Variants in ERBB4 observed in about 807,000 individuals in gnomAD.
The protein encoded by ERBB4 is erb-b2 receptor tyrosine kinase 4, also known as receptor tyrosine-protein kinase erbB-4.
In ERBB4, 42 loss-of-function variants were observed where a neutral mutation model predicts 158.0. The observed-to-expected ratio is 0.27, with a 90% CI of 0.21 to 0.34. The LOEUF (loss-of-function observed/expected upper bound fraction) is 0.34. Among genes scored for constraint, ERBB4 ranks in the 10% least tolerant of loss-of-function variants. The pLI is 1.00. For synonymous variants in ERBB4, 583 were observed against 558.7 expected, an observed-to-expected ratio of 1.04 and a Z score of -0.61; for missense variants, 1,333 against 1,624.1, an observed-to-expected ratio of 0.82 and a Z score of 3.08.
chr2:211,981,350 C>T (rs565525351), intron 2 of ERBB4, among the ~76,000 whole-genome samples: 2 of 152,146 alleles, frequency 1.3e-5, no homozygotes, highest in Non-Finnish European at 2.9e-5. Flanking sequence ...AAATTCTAAC[C>T]GATGACCTTG....
At chr2:212,064,438 A>G (rs2077878195) in intron 2 of ERBB4, among the ~76,000 whole-genome samples, 1 of 152,130 alleles carries the variant, frequency 6.6e-6, no homozygotes, top group Non-Finnish European at 1.5e-5. Context: ...GGCTGCTTGA[A>G]GGATGGAAAA....
chr2:211,856,398 T>TTATTTATTTATTTATC (rs1553646934), intron 3 of ERBB4, among the ~76,000 whole-genome samples: 2,240 of 145,120 alleles, frequency 0.015, 37 homozygotes, highest in East Asian at 0.049. Flanking sequence ...ATTTATTTAT[T>TTATTTATTTATTTATC]TATCTGAGAT....
intron 20 of ERBB4, among the ~76,000 whole-genome samples, chr2:211,489,939 A>G (rs1293863646): frequency 6.6e-6 from 1 of 152,092 alleles, no homozygotes; most frequent in African/African-American, 2.4e-5. Flanking sequence ...AATAGAAGCT[A>G]TCTGGCTACT....
chr2:211,428,779 A>G (rs2063689833), intron 21 of ERBB4, among the ~76,000 whole-genome samples: 3 of 152,154 alleles, frequency 2.0e-5, no homozygotes, highest in Admixed American at 2.0e-4. Flanking sequence ...GTGCAATGGC[A>G]CAATCTCAGC....
chr2:212,116,221 ATACTT>A (rs2079566736), intron 2 of ERBB4, among the ~76,000 whole-genome samples: 2 of 151,550 alleles, frequency 1.3e-5, no homozygotes, highest in South Asian at 2.1e-4. Context: ...TGTATATACT[ATACTT>A]ATATGTATAT....
rs182035568 is a variant in ERBB4 at position 212,057,444 on chromosome 2, C to T, written c.234+67308G>A. Among the ~76,000 whole-genome samples the T allele has an allele frequency of 3.6e-3, 551 of 152,304 alleles. 3 individuals carry two copies. Among genetic ancestry groups the T allele is most frequent in the Non-Finnish European group, 5.0e-3 (343 of 68,020 alleles). ...ACCAAGTGGACCTAGTAGGCATCTA[C>T]AGAACTCTCCACCCCAAATCAACAG... On this transcript the variant is annotated intron_variant, in intron 2 of 27. Transcript: ENST00000342788.
intron 1 of ERBB4, among the ~76,000 whole-genome samples, chr2:212,351,802 A>T (rs1505362): frequency 0.13 from 19,806 of 152,188 alleles, 1,786 homozygotes; most frequent in Non-Finnish European, 0.19. Flanking sequence ...TTATACTGAG[A>T]TAATCATGTT....
chr2:212,392,320 A>C (rs1365440140), intron 1 of ERBB4, among the ~76,000 whole-genome samples: 1 of 152,008 alleles, frequency 6.6e-6, no homozygotes, highest in Non-Finnish European at 1.5e-5. Context: ...TAAATCTTTA[A>C]AAAAATGAGT....
intron 2 of ERBB4, among the ~76,000 whole-genome samples, chr2:211,957,033 T>C (rs2081054081): frequency 1.3e-5 from 2 of 151,944 alleles, no homozygotes; most frequent in Non-Finnish European, 2.9e-5. Context: ...TCTCATTATG[T>C]TGCTGTGGCT....
chr2:212,015,110 A>G lies in ERBB4; in HGVS notation c.235-67494T>C, dbSNP rs1392708990. 1.1e-4 allele frequency among the ~76,000 whole-genome samples: 10 copies of G among 94,586 alleles called. 3 individuals are homozygous for G. Among genetic ancestry groups the G allele is most frequent in the Admixed American group, 1.2e-4 (1 of 8,224 alleles). 62.1% of individuals were successfully genotyped at this position (94,586 alleles called of 152,430 possible). A position where few individuals can be genotyped will look rare whatever the true frequency, so the allele number is the denominator to read the frequency against. ...TATATATATATATATATATATATAT[A>G]TAAAAATTAGCCGGGCATGGTGGCG... On this transcript the variant is annotated intron_variant, in intron 2 of 27. Coordinates refer to ENST00000342788, the MANE Select transcript of ERBB4 (RefSeq NM_005235.3).
chr2:211,849,920 A>G (rs12999352), intron 3 of ERBB4, among the ~76,000 whole-genome samples: 33,186 of 151,840 alleles, frequency 0.22, 3,751 homozygotes, highest in South Asian at 0.32. Flanking sequence ...CAAATTATTC[A>G]AATAAGGGTT....
chr2:212,516,956 T>C (rs1487139361), intron 1 of ERBB4, among the ~76,000 whole-genome samples: 1 of 152,132 alleles, frequency 6.6e-6, no homozygotes, highest in Non-Finnish European at 1.5e-5. Flanking sequence ...TTTGCACGAC[T>C]TCCACAAATT....
chr2:212,185,847 C>A (rs2082002749), intron 1 of ERBB4, among the ~76,000 whole-genome samples: 1 of 152,060 alleles, frequency 6.6e-6, no homozygotes, highest in African/African-American at 2.4e-5. Flanking sequence ...TTTCATTTCT[C>A]TTCATGCACA....
intron 2 of ERBB4, among the ~76,000 whole-genome samples, chr2:212,076,532 A>G (rs2078279589): frequency 6.6e-6 from 1 of 151,968 alleles, no homozygotes; most frequent in East Asian, 1.9e-4. Flanking sequence ...AATGAGAGAG[A>G]GAGAAAAGTA....
At chr2:211,864,272 T>G (rs765610963) in intron 3 of ERBB4, among the ~76,000 whole-genome samples, 1 of 152,190 alleles carries the variant, frequency 6.6e-6, no homozygotes, top group Non-Finnish European at 1.5e-5. Flanking sequence ...ATCTGGCCCT[T>G]AATCCTCAGA....
At chr2:211,577,777 A>G (rs1186584782) in intron 19 of ERBB4, among the ~76,000 whole-genome samples, 4 of 152,204 alleles carry the variant, frequency 2.6e-5, no homozygotes, top group Admixed American at 6.5e-5. Context: ...CATGTTAAAA[A>G]CTCTCAATAA....
chr2:211,410,709 GA>G (rs963454058), intron 25 of ERBB4, among the ~76,000 whole-genome samples: 1 of 152,058 alleles, frequency 6.6e-6, no homozygotes, highest in Non-Finnish European at 1.5e-5. Context: ...AAGAAATTGA[GA>G]AAATAGTTCA....
chr2:211,751,059 T>G (rs1439197946), intron 4 of ERBB4, among the ~76,000 whole-genome samples: 1 of 152,200 alleles, frequency 6.6e-6, no homozygotes, highest in Non-Finnish European at 1.5e-5. Flanking sequence ...TTGATATAAT[T>G]TCCAGAGATC....
intron 4 of ERBB4, among the ~76,000 whole-genome samples, chr2:211,773,619 TA>T (rs1407062551): frequency 1.9e-4 from 11 of 58,048 alleles, no homozygotes; most frequent in African/African-American, 9.5e-4. Context: ...TATATATATA[TA>T]TATATATATA....
Sources: allele counts gnomAD v4.1 joint callset (sites outside exome capture counted in the v4.1 genomes callset), GRCh38; gene constraint gnomAD v4.1.1; transcripts MANE v1.5; gene names NCBI Gene and HGNC (gene_info 2026-07-23, HGNC 2026-07-21).